REPS1: variants seen among roughly 807,000 people sequenced by gnomAD.
REPS1 encodes the protein RALBP1 associated Eps domain containing 1, also known as ralBP1-associated Eps domain-containing protein 1.
REPS1 carries 39 observed loss-of-function variants against 100.9 expected under a neutral mutation model. The ratio of observed to expected loss-of-function variants is 0.39; its 90% CI spans 0.30 to 0.50. The LOEUF (loss-of-function observed/expected upper bound fraction) is 0.50. Among genes scored for constraint, REPS1 ranks in the 20% least tolerant of loss-of-function variants. The pLI is 0.86. For synonymous variants in REPS1, 324 were observed against 340.3 expected (o/e 0.95, Z 0.53); for missense variants, 821 against 968.5 (o/e 0.85, Z 2.02).
chr6:138,964,393 T>C (rs904336469), intron 1 of REPS1, among the ~76,000 whole-genome samples: 9 of 152,150 alleles, frequency 5.9e-5, no homozygotes, highest in East Asian at 1.9e-4. Context: ...CATTATTTTA[T>C]AGAACTTGAA....
At chr6:138,977,427 G>A (rs1434267679) in intron 1 of REPS1, among the ~76,000 whole-genome samples, 1 of 152,136 alleles carries the variant, frequency 6.6e-6, no homozygotes, top group Non-Finnish European at 1.5e-5. Context: ...TCAAACACCT[G>A]GGCTTAAGCT....
At chr6:138,938,985 C>A (rs11966795) in intron 8 of REPS1, among the ~76,000 whole-genome samples, 207 of 151,950 alleles carry the variant, frequency 1.4e-3, no homozygotes, top group African/African-American at 4.8e-3. Context: ...GTAGCTGGGA[C>A]AACAAGTGCA....
rs568626153 is a variant in REPS1 at position 138,979,180 on chromosome 6, C to CAAAAAAAAAAA, written c.153+8339_153+8349dup. ...TGGGCGACAGAGCGAGAATCCATCA[C>CAAAAAAAAAAA]AAAAAAAAAAAAAAAAACAAAAAAA... On this transcript the variant is annotated intron_variant, in intron 1 of 19. Transcript: ENST00000450536. 1.1e-3 allele frequency among the ~76,000 whole-genome samples: 66 copies of CAAAAAAAAAAA among 59,312 alleles called. 3 individuals carry two copies. The highest frequency in any genetic ancestry group is 1.4e-3 in the Non-Finnish European group (49 of 34,350). 38.9% of individuals were successfully genotyped at this position (59,312 alleles called of 152,430 possible). A position where few individuals can be genotyped will look rare whatever the true frequency, so the allele number is the denominator to read the frequency against.
chr6:138,923,488 C>T (rs1323188146), intron 10 of REPS1, among the ~76,000 whole-genome samples: 1 of 152,172 alleles, frequency 6.6e-6, no homozygotes, highest in Non-Finnish European at 1.5e-5. Context: ...CTTGGAACAG[C>T]TGGGAATGTT....
intron 13 of REPS1, among the ~76,000 whole-genome samples, chr6:138,916,761 G>A (rs1219416845): frequency 1.3e-5 from 2 of 152,018 alleles, no homozygotes; most frequent in South Asian, 2.1e-4. Context: ...AACTCAACTC[G>A]CCCTAGAGAT....
At chr6:138,972,869 A>C (rs1784412319) in intron 1 of REPS1, among the ~76,000 whole-genome samples, 1 of 152,132 alleles carries the variant, frequency 6.6e-6, no homozygotes, top group African/African-American at 2.4e-5. Context: ...GCTGAAAAAA[A>C]CTCATTAATT....
At chr6:138,908,941 T>C in intron 17 of REPS1, 125 bp from the exon 18 acceptor site, 1 of 824,118 alleles carries the variant, frequency 1.2e-6, no homozygotes. Context: ...TTGTCCTACT[T>C]TAAATCTATA....
intron 1 of REPS1, among the ~76,000 whole-genome samples, chr6:138,969,269 ATTTTTT>A (rs71013004): frequency 0.16 from 11,874 of 73,498 alleles, 574 homozygotes; most frequent in Non-Finnish European, 0.18. Flanking sequence ...CAAAGCTGTA[ATTTTTT>A]TTTTTTTTTT....
chr6:138,949,718 T>TC (rs1429147154), intron 1 of REPS1, among the ~76,000 whole-genome samples: 2 of 111,266 alleles, frequency 1.8e-5, no homozygotes, highest in Non-Finnish European at 3.7e-5. Context: ...AGACTGAAAC[T>TC]CCATCTCATA....
At chr6:138,953,095 C>T (rs547652710) in intron 1 of REPS1, among the ~76,000 whole-genome samples, 1 of 152,118 alleles carries the variant, frequency 6.6e-6, no homozygotes, top group African/African-American at 2.4e-5. Context: ...CCTCAGCCTC[C>T]CAAAGTGCTG....
intron 1 of REPS1, among the ~76,000 whole-genome samples, chr6:138,983,035 A>G (rs1467740490): frequency 6.6e-6 from 1 of 152,216 alleles, no homozygotes; most frequent in Non-Finnish European, 1.5e-5. Context: ...GGAAGTCAAA[A>G]TCAGACCAAC....
intron 1 of REPS1, among the ~76,000 whole-genome samples, chr6:138,961,142 C>T (rs1323587128): frequency 6.6e-6 from 1 of 152,142 alleles, no homozygotes; most frequent in Non-Finnish European, 1.5e-5. Flanking sequence ...TCAAGATAGG[C>T]ATTATGGAAC....
rs141780816 is a variant in REPS1, at chr6:138,929,897, C to T, written c.1257+80G>A. On this transcript the variant is annotated intron_variant, in intron 9 of 19. Coordinates refer to ENST00000450536, the MANE Select transcript of REPS1 (RefSeq NM_001286611.2). ...AATTATGCATGCATGCTGGAAGAGA[C>T]AGACTGAAATTGCCCTCTTTGGAAC... The T allele has an allele frequency of 1.8e-5, 25 of 1,395,928 alleles. No homozygotes were observed. The East Asian group carries it at 5.3e-4, about 30-fold the overall frequency. 86.5% of individuals were successfully genotyped at this position (1,395,928 alleles called of 1,614,324 possible). A position where few individuals can be genotyped will look rare whatever the true frequency, so the allele number is the denominator to read the frequency against.
intron 14 of REPS1, 72 bp downstream of exon 14, chr6:138,915,786 T>C (rs538559306): frequency 2.9e-5 from 33 of 1,125,062 alleles, no homozygotes; most frequent in Non-Finnish European, 4.2e-5. Context: ...GAAACAAAAA[T>C]AAAATGTGTA....
intron 1 of REPS1, among the ~76,000 whole-genome samples, chr6:138,978,123 G>T: frequency 6.7e-6 from 1 of 149,948 alleles, no homozygotes; most frequent in South Asian, 2.1e-4. Context: ...TAAGTGAGTT[G>T]TAAGATTTTT....
intron 2 of REPS1, among the ~76,000 whole-genome samples, chr6:138,946,982 G>A (rs1184379881): frequency 6.6e-6 from 1 of 151,840 alleles, no homozygotes; most frequent in Non-Finnish European, 1.5e-5. Flanking sequence ...TTGTGATAGT[G>A]AGCAAGTTCT....
At position 138,904,927 on chromosome 6, in the gene REPS1, G is replaced by A. The variant is rs1779532929; in HGVS notation, c.*137C>T. ...AAAATAAAAGATACTTAAATACAAC[G>A]GTGAACATATAGGGCAAAACAGAAT... On this transcript the variant is annotated 3_prime_UTR_variant, in exon 20 of 20. Transcript: ENST00000450536. 3.1e-6 allele frequency: 2 copies of A among 635,738 alleles called. No individual in the cohort carries two copies. Among genetic ancestry groups the A allele is most frequent in the Non-Finnish European group, 5.6e-6 (2 of 358,972 alleles). The allele number at this position is 635,738 out of a possible 1,614,324, so 39.4% of individuals were successfully genotyped here.
intron 1 of REPS1, among the ~76,000 whole-genome samples, chr6:138,979,198 C>CAAAAAAAAAA (rs1277794755): frequency 1.1e-5 from 1 of 91,798 alleles, no homozygotes; most frequent in Non-Finnish European, 2.0e-5. Context: ...AAAAAAAAAA[C>CAAAAAAAAAA]AAAAAAAAAA....
At chr6:138,927,483 A>G (rs898350559) in intron 9 of REPS1, 1 of 152,222 alleles carries the variant, frequency 6.6e-6, no homozygotes, top group East Asian at 1.9e-4. Flanking sequence ...ACATCTACAC[A>G]CATACAATGT....
Sources: allele counts gnomAD v4.1 joint callset (sites outside exome capture counted in the v4.1 genomes callset), GRCh38; gene constraint gnomAD v4.1.1; transcripts MANE v1.5; gene names NCBI Gene and HGNC (gene_info 2026-07-23, HGNC 2026-07-21).